SPTBN4: variants seen among roughly 807,000 people sequenced by gnomAD.
SPTBN4 encodes spectrin beta, non-erythrocytic 4.
In SPTBN4, 96 loss-of-function variants were observed where a neutral mutation model predicts 277.8. That is an observed-to-expected ratio of 0.35 (90% confidence interval 0.29 to 0.41). The LOEUF (loss-of-function observed/expected upper bound fraction) is 0.41. Ranked by LOEUF, SPTBN4 falls within the 10% of genes least tolerant of loss-of-function variation. The probability of loss-of-function intolerance (pLI) is 1.00; values close to 1 mark genes in which losing one functional copy is unlikely to be tolerated. For missense variants in SPTBN4, 3,006 were observed against 3,595.7 expected, an observed-to-expected ratio of 0.84 and a Z score of 4.19; for synonymous variants, 1,481 against 1,580.3, an observed-to-expected ratio of 0.94 and a Z score of 1.49.
Position 40,515,773 on chromosome 19 carries a change from A to C in SPTBN4, c.2903+325A>C, listed in dbSNP as rs926223600. 6.6e-6 allele frequency among the ~76,000 whole-genome samples: 1 copy of C among 151,752 alleles called. No individual in the cohort carries two copies. Among genetic ancestry groups the C allele is most frequent in the African/African-American group, 2.4e-5 (1 of 41,296 alleles). On this transcript the variant is annotated intron_variant, in intron 15 of 35. Coordinates refer to ENST00000598249, the MANE Select transcript of SPTBN4 (RefSeq NM_020971.3). This position sits in a 1 kb window ranked among gnomAD's most constrained non-coding sequence, Gnocchi z 4.1. Reference sequence around the variant, plus strand: ...GCACAGTGGCTCATACTGTAATCCCAGCACTTCAGGAGGCTGAGATGGGTG... The same window carrying C: ...GCACAGTGGCTCATACTGTAATCCCCGCACTTCAGGAGGCTGAGATGGGTG...
intron 31 of SPTBN4, among the ~76,000 whole-genome samples, chr19:40,569,022 A>C (rs2081123981): frequency 1.3e-5 from 2 of 152,126 alleles, no homozygotes. Flanking sequence ...GCTTGTCATC[A>C]ATGATGACCG....
At chr19:40,567,131 C>A (rs758551395) in intron 30 of SPTBN4, 7 of 454,716 alleles carry the variant, frequency 1.5e-5, no homozygotes, top group South Asian at 1.1e-4. Flanking sequence ...AAACCAAAAG[C>A]AAACAAAGAA....
At chr19:40,494,839 C>A in intron 5 of SPTBN4, 58 bp from the exon 6 acceptor site, 1 of 1,520,454 alleles carries the variant, frequency 6.6e-7, no homozygotes, top group East Asian at 2.3e-5. Context: ...TCTTTTTCCC[C>A]TTTCTTCCCT....
chr19:40,544,301 C>T (rs2080834186), intron 20 of SPTBN4, among the ~76,000 whole-genome samples: 2 of 151,624 alleles, frequency 1.3e-5, no homozygotes, highest in Non-Finnish European at 2.9e-5. Flanking sequence ...TGCCACAATG[C>T]CCGGCTAATT....
At chr19:40,492,238 A>ACTCAGAG (rs1330500097) in intron 4 of SPTBN4, among the ~76,000 whole-genome samples, 70 of 151,604 alleles carry the variant, frequency 4.6e-4, no homozygotes, top group African/African-American at 1.6e-3. Context: ...CCAGGGGAAG[A>ACTCAGAG]CTCAGAGCTC....
intron 2 of SPTBN4, among the ~76,000 whole-genome samples, chr19:40,483,442 T>TAAA (rs200136187): frequency 4.1e-4 from 63 of 152,028 alleles, no homozygotes; most frequent in East Asian, 1.2e-3. Context: ...TACAATTTTT[T>TAAA]AAAAAAAATA....
intron 19 of SPTBN4, among the ~76,000 whole-genome samples, chr19:40,533,311 A>T (rs555667929): frequency 6.6e-6 from 1 of 152,300 alleles, no homozygotes; most frequent in Admixed American, 6.5e-5. Context: ...AAAGTACTTA[A>T]CACAAGGCCA....
At position 40,523,488 on chromosome 19, in the gene SPTBN4, G is replaced by A. The variant is rs2080553092; in HGVS notation, c.3706G>A (p.Glu1236Lys). 3.1e-6 allele frequency: 5 copies of A among 1,613,474 alleles called. No individual in the cohort carries two copies. The highest frequency in any genetic ancestry group is 1.7e-5 in the Admixed American group (1 of 59,928). ...CCCGGGCACAGTGGAATCGGTGGAG[G>A]AGGCCTTGAAACAGCACCGTGACTT... is the stretch of plus-strand genomic sequence containing the variant. Reference protein sequence around the residue: ...ELPGTVESVEEALKQHRDFLT... With the variant: ...ELPGTVESVEKALKQHRDFLT... Residue 1236 changes from glutamate to lysine, a missense_variant, in exon 17 of 36, where the codon GAG (glutamate) becomes AAG (lysine). Around this residue, in one of 5 missense-constraint regions of SPTBN4, gnomAD observed 1,759 missense variants for 2,061.5 expected, o/e 0.85. Coordinates refer to ENST00000598249, the MANE Select transcript of SPTBN4 (RefSeq NM_020971.3).
At chr19:40,479,454 G>A (rs2079984817) in intron 2 of SPTBN4, among the ~76,000 whole-genome samples, 1 of 151,668 alleles carries the variant, frequency 6.6e-6, no homozygotes, top group Non-Finnish European at 1.5e-5. Context: ...TCCCCTGTAG[G>A]CAACCACTGA....
Position 40,527,062 on chromosome 19 carries a change from G to A in SPTBN4, c.3858-1979G>A, listed in dbSNP as rs192056702. On this transcript the variant is annotated intron_variant, in intron 17 of 35. Transcript: ENST00000598249. Reference sequence around the variant, plus strand: ...TTGGGCAGGAGGCAGTCAGTGCTTCGCTTGCTTGTCTCAGGCCCTTCCTGT... The same window carrying A: ...TTGGGCAGGAGGCAGTCAGTGCTTCACTTGCTTGTCTCAGGCCCTTCCTGT... Among the ~76,000 whole-genome samples, 8 of 152,276 alleles carry A rather than the reference G, an allele frequency of 5.3e-5. No homozygotes were observed. In the East Asian group the frequency reaches 1.4e-3, roughly 26 times the overall value.
At chr19:40,495,261 G>A (rs940624104) in intron 6 of SPTBN4, among the ~76,000 whole-genome samples, 2 of 152,002 alleles carry the variant, frequency 1.3e-5, no homozygotes, top group South Asian at 2.1e-4. Flanking sequence ...AGATACCCAC[G>A]CACGTGCACA....
chr19:40,570,952 G>A (rs1237787857), intron 33 of SPTBN4: 3 of 508,242 alleles, frequency 5.9e-6, no homozygotes, highest in African/African-American at 4.1e-5. Flanking sequence ...ACCCGTGGGG[G>A]TAGTAGGTGG....
chr19:40,503,342 A>G (rs948645121), intron 11 of SPTBN4, among the ~76,000 whole-genome samples: 1 of 152,040 alleles, frequency 6.6e-6, no homozygotes. Flanking sequence ...TTCCTGGGTA[A>G]CAAGTTTAAG....
intron 12 of SPTBN4, 143 bp from the exon 13 acceptor site, chr19:40,506,093 C>G: frequency 1.7e-6 from 2 of 1,143,504 alleles, no homozygotes; most frequent in Non-Finnish European, 1.2e-6. Context: ...GTAAGAGAGT[C>G]TTGAGGCTGG....
chr19:40,509,844 G>C (rs759779759), intron 13 of SPTBN4, among the ~76,000 whole-genome samples: 1 of 152,190 alleles, frequency 6.6e-6, no homozygotes, highest in Admixed American at 6.6e-5. Flanking sequence ...TGCAAATGCT[G>C]AAGTTTCCCT....
chr19:40,527,125 T>C (rs1170456649), intron 17 of SPTBN4, among the ~76,000 whole-genome samples: 1 of 152,332 alleles, frequency 6.6e-6, no homozygotes, highest in Admixed American at 6.5e-5. Context: ...CTGTCTCCTA[T>C]ACACTCTGTC....
In SPTBN4 at chr19:40,568,066, G is replaced by A. The variant is rs946895067; in HGVS notation, c.6740G>A (p.Arg2247Gln). The stretch of plus-strand genomic sequence containing the variant: ...CGCGCGGAGGAGCTGCCCAGGAGGC[G>A]GCGGCCTGAGCGGCAAGAGTCAGTC... ...ADRAEELPRRRRPERQESVDQ... is the reference protein window; with the variant it reads ...ADRAEELPRRQRPERQESVDQ... Residue 2247 changes from arginine to glutamine, a missense_variant, in exon 31 of 36, where the codon CGG (arginine) becomes CAG (glutamine). Physicochemically the swap from Arg to Gln is conservative, Grantham distance 43. Around this residue, in one of 5 missense-constraint regions of SPTBN4, gnomAD observed 630 missense variants for 677.6 expected, o/e 0.93. Transcript: ENST00000598249. 1.3e-6 allele frequency: 2 copies of A among 1,559,400 alleles called. No homozygotes were observed. Among genetic ancestry groups the A allele is most frequent in the African/African-American group, 1.4e-5 (1 of 73,530 alleles).
chr19:40,471,669 C>T (rs2079885269), intron 1 of SPTBN4, among the ~76,000 whole-genome samples: 1 of 152,098 alleles, frequency 6.6e-6, no homozygotes, highest in Admixed American at 6.6e-5. Context: ...GCTTCTTGGG[C>T]TCAAGCCATC....
At chr19:40,475,840 G>A (rs1164544742) in intron 2 of SPTBN4, among the ~76,000 whole-genome samples, 7 of 148,764 alleles carry the variant, frequency 4.7e-5, no homozygotes, top group Middle Eastern at 3.4e-3. Flanking sequence ...GAGCCCAGGA[G>A]TTCGAGACCA....
Sources: gnomAD v4.1 joint callset for allele counts (sites outside exome capture counted in the v4.1 genomes callset) on GRCh38, gnomAD v4.1.1 for gene constraint, gnomAD v4.1.1 regional missense constraint, Gnocchi (gnomAD v3.1) non-coding constraint, MANE v1.5 for transcripts, NCBI Gene and HGNC (gene_info 2026-07-23, HGNC 2026-07-21) for gene names.